RNF2: variants seen among roughly 807,000 people sequenced by gnomAD.
RNF2 encodes ring finger protein 2.
In RNF2, 6 loss-of-function variants were observed where a neutral mutation model predicts 37.2. That is an observed-to-expected ratio of 0.16 (90% CI 0.09 to 0.32). The LOEUF (loss-of-function observed/expected upper bound fraction) is 0.32, where lower values mean the gene tolerates loss of function less well. Ranked by LOEUF, RNF2 falls within the 10% of genes least tolerant of loss-of-function variation. The pLI is 1.00. For synonymous variants in RNF2, 133 were observed against 132.7 expected (o/e 1.00, Z -0.02); for missense variants, 251 against 404.0 (o/e 0.62, Z 3.25).
At chr1:185,048,230 A>G (rs1650172552) in intron 1 of RNF2, among the ~76,000 whole-genome samples, 1 of 152,194 alleles carries the variant, frequency 6.6e-6, no homozygotes, top group Non-Finnish European at 1.5e-5. Flanking sequence ...CCCTGACTAT[A>G]GGTGCTAAGA....
chr1:185,076,933 G>A (rs140237001), intron 1 of RNF2, among the ~76,000 whole-genome samples: 12 of 151,934 alleles, frequency 7.9e-5, no homozygotes, highest in African/African-American at 2.9e-4. Flanking sequence ...GGATTGCATT[G>A]CATTGAATTT....
chr1:185,082,829 A>G (rs905621586), intron 1 of RNF2, among the ~76,000 whole-genome samples: 1 of 152,228 alleles, frequency 6.6e-6, no homozygotes, highest in Admixed American at 6.5e-5. Context: ...AGTCTAAAAT[A>G]AACATAAAAT....
At chr1:185,049,182 A>C (rs1181037798) in intron 1 of RNF2, among the ~76,000 whole-genome samples, 1 of 152,160 alleles carries the variant, frequency 6.6e-6, no homozygotes, top group Non-Finnish European at 1.5e-5. Context: ...ATGCCACTGC[A>C]CTGCATCCTG....
At chr1:185,092,831 A>G (rs1329933157) in intron 3 of RNF2, among the ~76,000 whole-genome samples, 1 of 152,150 alleles carries the variant, frequency 6.6e-6, no homozygotes, top group Non-Finnish European at 1.5e-5. Context: ...ATCTTGGGAA[A>G]TACTCAAATT....
rs191109111 is a variant in RNF2, at chr1:185,082,414, G to A, written c.-2-5138G>A. Among the ~76,000 whole-genome samples, 54 of 141,340 alleles carry A rather than the reference G, an allele frequency of 3.8e-4. No homozygotes were observed. In the East Asian group the frequency reaches 0.011, roughly 28 times the overall value. The allele number at this position is 141,340 out of a possible 152,430, so 92.7% of individuals were successfully genotyped here. On this transcript the variant is annotated intron_variant, in intron 1 of 6. Transcript: ENST00000367510. ...TACCCAGGCTGGAGTGCAGTGGCACGATCTTGGCTCACTGCAACCTCTGCC... is the reference window on the plus strand; with the variant it reads ...TACCCAGGCTGGAGTGCAGTGGCACAATCTTGGCTCACTGCAACCTCTGCC...
chr1:185,047,668 T>C (rs1467038502), intron 1 of RNF2, among the ~76,000 whole-genome samples: 1 of 152,234 alleles, frequency 6.6e-6, no homozygotes, highest in Non-Finnish European at 1.5e-5. Context: ...AAACGCACTT[T>C]ATTAAAATTA....
At chr1:185,062,372 ATG>A (rs1425279166) in intron 1 of RNF2, among the ~76,000 whole-genome samples, 22 of 152,224 alleles carry the variant, frequency 1.4e-4, no homozygotes, top group African/African-American at 5.3e-4. Context: ...CATAAAATAT[ATG>A]TGTATATATT....
At chr1:185,070,638 C>CT (rs893631238) in intron 1 of RNF2, among the ~76,000 whole-genome samples, 3,600 of 129,700 alleles carry the variant, frequency 0.028, 80 homozygotes, top group African/African-American at 0.034. Flanking sequence ...ATTTTCTTTT[C>CT]TTTTTTTTTT....
chr1:185,049,891 G>A (rs1049410501), intron 1 of RNF2, among the ~76,000 whole-genome samples: 1 of 152,204 alleles, frequency 6.6e-6, no homozygotes, highest in African/African-American at 2.4e-5. Context: ...GGCTGCATTT[G>A]CTACTGACAG....
chr1:185,053,424 C>T (rs950675232), intron 1 of RNF2, among the ~76,000 whole-genome samples: 1 of 151,960 alleles, frequency 6.6e-6, no homozygotes, highest in African/African-American at 2.4e-5. Flanking sequence ...CAGTCTCCAA[C>T]TTTGGGCTCA....
chr1:185,053,271 T>C (rs1650321246), intron 1 of RNF2, among the ~76,000 whole-genome samples: 1 of 152,158 alleles, frequency 6.6e-6, no homozygotes. Context: ...CCTACATTTA[T>C]TTTTATGTTG....
intron 3 of RNF2, chr1:185,092,063 AG>A (rs977085724): frequency 5.1e-5 from 10 of 195,318 alleles, no homozygotes; most frequent in African/African-American, 2.3e-4. Context: ...TCCTGACCTC[AG>A]GTAATCCACC....
chr1:185,061,261 G>A (rs1207133119), intron 1 of RNF2, among the ~76,000 whole-genome samples: 1 of 151,684 alleles, frequency 6.6e-6, no homozygotes, highest in Admixed American at 6.6e-5. Context: ...CCGAGTAGCT[G>A]GGACTACAGG....
intron 2 of RNF2, among the ~76,000 whole-genome samples, chr1:185,091,341 C>T (rs145415168): frequency 6.6e-6 from 1 of 152,274 alleles, no homozygotes; most frequent in African/African-American, 2.4e-5. Context: ...CTTTTAAATA[C>T]ATTAATATGT....
rs1346247530 is a variant in RNF2, at chr1:185,100,625, T to A, written c.*324T>A. 1.1e-5 allele frequency: 2 copies of A among 179,486 alleles called. No homozygotes were observed. The highest frequency in any genetic ancestry group is 2.3e-5 in the Non-Finnish European group (2 of 86,276). The allele number at this position is 179,486 out of a possible 1,614,324, so 11.1% of individuals were successfully genotyped here. A position where few individuals can be genotyped will look rare whatever the true frequency, so the allele number is the denominator to read the frequency against. The stretch of plus-strand genomic sequence containing the variant: ...ATTTTTCATAGTTTCTGTATTCTTA[T>A]AAGATTCAGTTGGCTGTCCTTTTCC... On this transcript the variant is annotated 3_prime_UTR_variant, in exon 7 of 7. Coordinates refer to ENST00000367510, the MANE Select transcript of RNF2 (RefSeq NM_007212.4).
chr1:185,073,339 T>C (rs1000106561), intron 1 of RNF2, among the ~76,000 whole-genome samples: 1 of 152,174 alleles, frequency 6.6e-6, no homozygotes, highest in Non-Finnish European at 1.5e-5. Flanking sequence ...TTAAGAGAGT[T>C]ATTACAATAT....
chr1:185,096,672 C>T (rs1322274818), intron 4 of RNF2, among the ~76,000 whole-genome samples: 1 of 151,956 alleles, frequency 6.6e-6, no homozygotes, highest in Admixed American at 6.6e-5. Context: ...ACTTAAATGA[C>T]CTCAGCATGT....
At chr1:185,078,242 A>G (rs1263702499) in intron 1 of RNF2, among the ~76,000 whole-genome samples, 1 of 152,160 alleles carries the variant, frequency 6.6e-6, no homozygotes, top group African/African-American at 2.4e-5. Context: ...GTGAGACTCC[A>G]TCATAAATCA....
intron 1 of RNF2, among the ~76,000 whole-genome samples, chr1:185,083,433 A>C (rs1236025102): frequency 6.6e-6 from 1 of 151,836 alleles, no homozygotes; most frequent in Non-Finnish European, 1.5e-5. Context: ...TATTATACTA[A>C]CTTTGGGTCT....
Sources: allele counts gnomAD v4.1 joint callset (sites outside exome capture counted in the v4.1 genomes callset), GRCh38; gene constraint gnomAD v4.1.1; transcripts MANE v1.5; gene names NCBI Gene and HGNC (gene_info 2026-07-23, HGNC 2026-07-21).